MITF: variants seen among roughly 807,000 people sequenced by gnomAD.
MITF encodes the protein melanocyte inducing transcription factor.
A neutral mutation model predicts 60.5 loss-of-function variants in MITF; 17 were observed. The observed-to-expected ratio is 0.28, with a 90% CI of 0.19 to 0.42. The LOEUF is 0.42. Ranked by LOEUF, MITF falls within the 10% of genes least tolerant of loss-of-function variation. MITF has a pLI of 1.00. For missense variants in MITF, 622 were observed against 683.5 expected, an observed-to-expected ratio of 0.91 and a Z score of 1.00; for synonymous variants, 260 against 248.5, an observed-to-expected ratio of 1.05 and a Z score of -0.43.
At chr3:69,885,310 T>A (rs1487827146) in intron 2 of MITF, among the ~76,000 whole-genome samples, 2 of 152,080 alleles carry the variant, frequency 1.3e-5, no homozygotes, top group Admixed American at 1.3e-4. Context: ...TTTTCTCCTG[T>A]TAGAGGAGGC....
intron 2 of MITF, among the ~76,000 whole-genome samples, chr3:69,935,798 T>C (rs2065819993): frequency 6.6e-6 from 1 of 152,296 alleles, no homozygotes; most frequent in African/African-American, 2.4e-5. Context: ...ACAATGTATA[T>C]TCTATGCTTT....
At chr3:69,912,177 A>AAAATCACAC (rs1355157180) in intron 2 of MITF, among the ~76,000 whole-genome samples, 1 of 152,246 alleles carries the variant, frequency 6.6e-6, no homozygotes, top group Non-Finnish European at 1.5e-5. Flanking sequence ...ATTTTTGAAG[A>AAAATCACAC]AAATCACACA....
intron 1 of MITF, among the ~76,000 whole-genome samples, chr3:69,746,192 G>C (rs1176725372): frequency 2.6e-5 from 4 of 152,184 alleles, no homozygotes; most frequent in African/African-American, 4.8e-5. Context: ...ACTATTTACA[G>C]ATTTTACTTA....
chr3:69,918,439 G>T (rs1489418280), intron 2 of MITF, among the ~76,000 whole-genome samples: 2 of 152,144 alleles, frequency 1.3e-5, no homozygotes, highest in African/African-American at 4.8e-5. Flanking sequence ...TTTCCTTGGT[G>T]TTTTTTCTCT....
intron 1 of MITF, among the ~76,000 whole-genome samples, chr3:69,759,365 A>G (rs1233050928): frequency 1.3e-5 from 2 of 152,220 alleles, no homozygotes; most frequent in East Asian, 1.9e-4. Flanking sequence ...ACAAAAGTGC[A>G]AAAAATGTGG....
chr3:69,940,104 T>A (rs1029798593), intron 4 of MITF, among the ~76,000 whole-genome samples: 2 of 152,210 alleles, frequency 1.3e-5, no homozygotes, highest in Non-Finnish European at 2.9e-5. Flanking sequence ...CTGTACAGTT[T>A]GTCCTGAAAT....
intron 2 of MITF, among the ~76,000 whole-genome samples, chr3:69,883,945 A>C (rs919494255): frequency 6.6e-6 from 1 of 152,084 alleles, no homozygotes; most frequent in Non-Finnish European, 1.5e-5. Flanking sequence ...TTTTGAATCA[A>C]TGTTGGTGTC....
At chr3:69,922,851 A>G (rs1227383517) in intron 2 of MITF, among the ~76,000 whole-genome samples, 1 of 152,206 alleles carries the variant, frequency 6.6e-6, no homozygotes, top group Non-Finnish European at 1.5e-5. Context: ...GAAAGAAAGA[A>G]ACAAACCCTC....
intron 1 of MITF, among the ~76,000 whole-genome samples, chr3:69,805,949 C>A (rs1471329477): frequency 1.3e-5 from 2 of 152,104 alleles, no homozygotes; most frequent in Non-Finnish European, 2.9e-5. Context: ...GTATGAGCCA[C>A]CATGCATGGC....
At chr3:69,899,290 A>G (rs916285908) in intron 2 of MITF, among the ~76,000 whole-genome samples, 1 of 152,202 alleles carries the variant, frequency 6.6e-6, no homozygotes, top group African/African-American at 2.4e-5. Flanking sequence ...GTTATGTGTG[A>G]AGAGCAGTGA....
intron 1 of MITF, among the ~76,000 whole-genome samples, chr3:69,740,075 G>A (rs575934693): frequency 1.3e-5 from 2 of 152,306 alleles, no homozygotes; most frequent in South Asian, 4.1e-4. Context: ...GGGGGAGAAA[G>A]AGTTCTAGTG....
intron 1 of MITF, among the ~76,000 whole-genome samples, chr3:69,788,738 A>G (rs906137861): frequency 3.9e-5 from 6 of 152,200 alleles, no homozygotes; most frequent in African/African-American, 1.2e-4. Flanking sequence ...TGGTATTGAC[A>G]TAAAGACACA....
rs2066698471 is a variant in MITF, at chr3:69,966,727, T to C, written c.*1479T>C. 4.3e-6 allele frequency: 1 copy of C among 232,940 alleles called. No homozygotes were observed. Among genetic ancestry groups the C allele is most frequent in the African/African-American group, 2.2e-5 (1 of 45,330 alleles). 14.4% of individuals were successfully genotyped at this position (232,940 alleles called of 1,614,324 possible). ...ACATGTATCAAGCCTAGATGTTTTA[T>C]ACAGATGCCATATAGTGTTATGAGC... On this transcript the variant is annotated 3_prime_UTR_variant, in exon 10 of 10. Coordinates refer to ENST00000352241, the MANE Select transcript of MITF (RefSeq NM_001354604.2).
At chr3:69,936,714 A>G (rs372698102) in intron 2 of MITF, 1 of 1,613,640 alleles carries the variant, frequency 6.2e-7, no homozygotes, top group Non-Finnish European at 8.5e-7. Flanking sequence ...TGCCACCTAA[A>G]ACATTGTTAT....
intron 2 of MITF, among the ~76,000 whole-genome samples, chr3:69,913,571 T>G (rs1049532645): frequency 8.5e-5 from 13 of 152,214 alleles, no homozygotes; most frequent in African/African-American, 3.1e-4. Context: ...GACTCAGATT[T>G]CAGCCCTTGA....
In MITF at chr3:69,853,899, C is replaced by T. The variant is rs541284160; in HGVS notation, c.105-25235C>T. Among the ~76,000 whole-genome samples, 50 of 143,764 alleles carry T rather than the reference C, an allele frequency of 3.5e-4. No individual in the cohort carries two copies. In the South Asian group the frequency reaches 7.2e-3, roughly 21 times the overall value. The allele number at this position is 143,764 out of a possible 152,430, so 94.3% of individuals were successfully genotyped here. The stretch of plus-strand genomic sequence containing the variant: ...TTTTTTTGACAAAGTCTCACTCTGT[C>T]GCCCAGGCTGGAGTGCAGTGGTGTG... On this transcript the variant is annotated intron_variant, in intron 1 of 9. Coordinates refer to ENST00000352241, the MANE Select transcript of MITF (RefSeq NM_001354604.2).
At chr3:69,746,850 C>T (rs1229463170) in intron 1 of MITF, among the ~76,000 whole-genome samples, 1 of 152,172 alleles carries the variant, frequency 6.6e-6, no homozygotes, top group Non-Finnish European at 1.5e-5. Flanking sequence ...GTTGAAATTT[C>T]TGCACCTCCC....
intron 2 of MITF, among the ~76,000 whole-genome samples, chr3:69,883,419 A>C (rs936264303): frequency 6.6e-6 from 1 of 152,194 alleles, no homozygotes; most frequent in Non-Finnish European, 1.5e-5. Flanking sequence ...TCTTTCAAAA[A>C]CTGACATTCC....
chr3:69,759,487 A>G (rs13073599), intron 1 of MITF, among the ~76,000 whole-genome samples: 51,051 of 152,042 alleles, frequency 0.34, 9,934 homozygotes, highest in Non-Finnish European at 0.44. Context: ...ATGTTGGGGG[A>G]CTCAAACTTC....
Sources: allele counts gnomAD v4.1 joint callset (sites outside exome capture counted in the v4.1 genomes callset), GRCh38; gene constraint gnomAD v4.1.1; transcripts MANE v1.5; gene names NCBI Gene and HGNC (gene_info 2026-07-23, HGNC 2026-07-21).